Variants in TRDN observed in about 807,000 individuals in gnomAD.
TRDN encodes triadin in skeletal muscle.
A neutral mutation model predicts 149.7 loss-of-function variants in TRDN; 161 were observed. The observed-to-expected ratio is 1.08, with a 90% CI of 0.95 to 1.23. The LOEUF (loss-of-function observed/expected upper bound fraction) is 1.23. Ranked by LOEUF, TRDN falls within the 50% of genes most tolerant of loss-of-function variation. The pLI is 0.00. For missense variants in TRDN, 896 were observed against 823.5 expected (o/e 1.09, Z -1.08); for synonymous variants, 294 against 250.5 (o/e 1.17, Z -1.64).
At chr6:123,340,176 T>C (rs921390473) in intron 21 of TRDN, among the ~76,000 whole-genome samples, 6 of 151,982 alleles carry the variant, frequency 3.9e-5, no homozygotes, top group African/African-American at 1.4e-4. Context: ...AAGAGGCTCA[T>C]GAAAAAGACA....
intron 1 of TRDN, among the ~76,000 whole-genome samples, chr6:123,602,456 A>G (rs1030493417): frequency 6.6e-5 from 10 of 152,064 alleles, no homozygotes; most frequent in African/African-American, 2.2e-4. Flanking sequence ...ACGAGGGATA[A>G]AAGACTACAT....
At chr6:123,612,805 T>G (rs1741476162) in intron 1 of TRDN, among the ~76,000 whole-genome samples, 1 of 152,168 alleles carries the variant, frequency 6.6e-6, no homozygotes, top group African/African-American at 2.4e-5. Context: ...TAGATATTAA[T>G]TTTCTTTGAC....
chr6:123,340,307 A>G (rs1172034354), intron 21 of TRDN, among the ~76,000 whole-genome samples: 2 of 152,112 alleles, frequency 1.3e-5, no homozygotes, highest in African/African-American at 4.8e-5. Flanking sequence ...TTTAAAGGAA[A>G]CAGCAGTAAT....
intron 12 of TRDN, among the ~76,000 whole-genome samples, chr6:123,394,891 T>C (rs1408650709): frequency 6.6e-6 from 1 of 152,158 alleles, no homozygotes; most frequent in Admixed American, 6.6e-5. Flanking sequence ...GCATGCATGC[T>C]AGTACCATCT....
At chr6:123,229,514 C>T (rs961114557) in intron 38 of TRDN, among the ~76,000 whole-genome samples, 1 of 151,958 alleles carries the variant, frequency 6.6e-6, no homozygotes, top group Non-Finnish European at 1.5e-5. Flanking sequence ...GAAATTACCT[C>T]TGTTCTCTGC....
At chr6:123,560,578 AG>A (rs1368178241) in intron 2 of TRDN, among the ~76,000 whole-genome samples, 1 of 152,180 alleles carries the variant, frequency 6.6e-6, no homozygotes, top group Non-Finnish European at 1.5e-5. Flanking sequence ...AGCCATCAAA[AG>A]GGCTCAGATC....
intron 1 of TRDN, among the ~76,000 whole-genome samples, chr6:123,616,682 CT>C (rs1785105478): frequency 6.6e-6 from 1 of 152,254 alleles, no homozygotes; most frequent in African/African-American, 2.4e-5. Context: ...ACATTCTGCC[CT>C]TTAAATAACA....
chr6:123,429,395 T>G (rs1774245927), intron 12 of TRDN, among the ~76,000 whole-genome samples: 1 of 152,220 alleles, frequency 6.6e-6, no homozygotes, highest in Admixed American at 6.5e-5. Flanking sequence ...CAGAATTTGC[T>G]GTTGTTTCAA....
At chr6:123,569,132 A>G (rs1267373199) in intron 2 of TRDN, among the ~76,000 whole-genome samples, 4 of 152,160 alleles carry the variant, frequency 2.6e-5, no homozygotes, top group Non-Finnish European at 4.4e-5. Context: ...CAGCAGATAC[A>G]CTACATCATT....
intron 9 of TRDN, among the ~76,000 whole-genome samples, chr6:123,476,986 G>T (rs1310057600): frequency 8.3e-6 from 1 of 120,624 alleles, no homozygotes; most frequent in Non-Finnish European, 1.7e-5. Context: ...TTACCATTCA[G>T]GACATAGGCA....
intron 1 of TRDN, among the ~76,000 whole-genome samples, chr6:123,574,459 G>T (rs906028427): frequency 2.0e-5 from 3 of 151,926 alleles, no homozygotes; most frequent in African/African-American, 7.2e-5. Flanking sequence ...TTCTGAAAAT[G>T]GATGAATGAT....
intron 7 of TRDN, among the ~76,000 whole-genome samples, chr6:123,508,318 G>A (rs1239422646): frequency 1.3e-5 from 2 of 152,300 alleles, no homozygotes; most frequent in Middle Eastern, 3.4e-3. Context: ...TCTAATCACA[G>A]TGAATTGCAC....
chr6:123,626,433 A>T (rs113696360), intron 1 of TRDN, among the ~76,000 whole-genome samples: 3,167 of 152,288 alleles, frequency 0.021, 127 homozygotes, highest in African/African-American at 0.071. Flanking sequence ...GTGAGCCAAG[A>T]CTGTGCCAGT....
intron 1 of TRDN, among the ~76,000 whole-genome samples, chr6:123,583,517 G>A (rs900924429): frequency 4.0e-5 from 6 of 150,982 alleles, no homozygotes; most frequent in East Asian, 3.9e-4. Context: ...CCTTTAGTCT[G>A]TTCTACTTTT....
intron 12 of TRDN, among the ~76,000 whole-genome samples, chr6:123,415,461 G>A (rs1324522329): frequency 1.3e-5 from 2 of 152,182 alleles, no homozygotes; most frequent in Non-Finnish European, 2.9e-5. Context: ...GAACTTGCAG[G>A]TGACTGAGGC....
intron 24 of TRDN, among the ~76,000 whole-genome samples, chr6:123,291,373 G>C (rs753126008): frequency 6.6e-6 from 1 of 151,956 alleles, no homozygotes. Context: ...GACCATCCTG[G>C]CTAACACGGT....
intron 10 of TRDN, among the ~76,000 whole-genome samples, chr6:123,439,306 TG>T (rs1774748147): frequency 6.6e-6 from 1 of 152,222 alleles, no homozygotes; most frequent in Non-Finnish European, 1.5e-5. Context: ...ACCAAACAAT[TG>T]TTTATCTAGT....
intron 1 of TRDN, among the ~76,000 whole-genome samples, chr6:123,609,347 T>G (rs1290917637): frequency 6.6e-6 from 1 of 152,130 alleles, no homozygotes; most frequent in Admixed American, 6.5e-5. Flanking sequence ...AAAACATTAG[T>G]CAGCATAACC....
intron 14 of TRDN, among the ~76,000 whole-genome samples, chr6:123,386,034 A>G (rs1781895248): frequency 6.6e-6 from 1 of 152,158 alleles, no homozygotes; most frequent in African/African-American, 2.4e-5. Flanking sequence ...CCTGAATATT[A>G]CTGGTGCGTG....
Sources: gnomAD v4.1 joint callset for allele counts (sites outside exome capture counted in the v4.1 genomes callset) on GRCh38, gnomAD v4.1.1 for gene constraint, MANE v1.5 for transcripts, NCBI Gene and HGNC (gene_info 2026-07-23, HGNC 2026-07-21) for gene names.